Variants in RGS7 observed in about 807,000 individuals in gnomAD.
RGS7 encodes regulator of G protein signaling 7, also known as regulator of G-protein signaling 7.
Under a neutral mutation model 81.1 loss-of-function variants are expected in RGS7, and 27 were observed. The observed-to-expected ratio is 0.33, with a 90% CI of 0.25 to 0.46. RGS7 has a LOEUF of 0.46. RGS7 is among the 20% of genes least tolerant of loss of function. The pLI, the probability that RGS7 is intolerant of heterozygous loss-of-function variation, is 1.00. For missense variants in RGS7, 396 were observed against 607.4 expected (o/e 0.65, Z 3.66); for synonymous variants, 208 against 207.7 (o/e 1.00, Z -0.01).
chr1:240,774,817 A>G (rs1682756633), downstream of RGS7, among the ~76,000 whole-genome samples: 1 of 152,198 alleles, frequency 6.6e-6, no homozygotes, highest in African/African-American at 2.4e-5. Context: ...ATAGCTTTAG[A>G]TTCAAGCAAC....
intron 2 of RGS7, among the ~76,000 whole-genome samples, chr1:241,320,089 T>A (rs1470817857): frequency 6.6e-6 from 1 of 152,082 alleles, no homozygotes; most frequent in African/African-American, 2.4e-5. Context: ...AGACTCCACG[T>A]AAAGAAAAGA....
At chr1:240,954,521 A>C (rs1680039283) in intron 4 of RGS7, among the ~76,000 whole-genome samples, 1 of 150,130 alleles carries the variant, frequency 6.7e-6, no homozygotes. Flanking sequence ...TGTGACAAGA[A>C]ATCATTAGAC....
At chr1:241,188,884 G>T (rs977609324) in intron 2 of RGS7, among the ~76,000 whole-genome samples, 1 of 152,108 alleles carries the variant, frequency 6.6e-6, no homozygotes, top group Non-Finnish European at 1.5e-5. Flanking sequence ...TACTTTGAAG[G>T]CTTCGAAATT....
intron 2 of RGS7, among the ~76,000 whole-genome samples, chr1:241,108,195 C>T (rs2065256944): frequency 6.7e-6 from 1 of 148,594 alleles, no homozygotes; most frequent in African/African-American, 2.5e-5. Context: ...TCCCAGCTAT[C>T]GGGAGGCTGA....
chr1:240,853,553 G>T (rs1291227806), intron 9 of RGS7, among the ~76,000 whole-genome samples: 1 of 151,994 alleles, frequency 6.6e-6, no homozygotes, highest in African/African-American at 2.4e-5. Context: ...GCAAAAATTG[G>T]TTCAATCTGT....
At chr1:241,214,153 C>T (rs2147942919) in intron 2 of RGS7, among the ~76,000 whole-genome samples, 1 of 152,296 alleles carries the variant, frequency 6.6e-6, no homozygotes, top group Admixed American at 6.5e-5. Context: ...GGTATCATTT[C>T]CTTTCAGCCT....
chr1:241,156,364 G>C lies in RGS7; in HGVS notation c.79-57602C>G, dbSNP rs531866055. On this transcript the variant is annotated intron_variant, in intron 2 of 18. Transcript: ENST00000440928. ...ACACAAACAAACAAAAAATTAGCTG[G>C]ACATGGTAACGCACACTTGTGCTCC... 4.0e-5 allele frequency among the ~76,000 whole-genome samples: 6 copies of C among 151,820 alleles called. No individual in the cohort carries two copies. In the South Asian group the frequency reaches 1.3e-3, roughly 32 times the overall value.
intron 2 of RGS7, among the ~76,000 whole-genome samples, chr1:241,238,283 A>T (rs1346800908): frequency 3.9e-5 from 6 of 152,126 alleles, no homozygotes; most frequent in African/African-American, 1.4e-4. Flanking sequence ...AAATAAAAGG[A>T]AGTAATAGTG....
chr1:240,826,763 C>A (rs1318529034), intron 10 of RGS7, among the ~76,000 whole-genome samples: 1 of 152,098 alleles, frequency 6.6e-6, no homozygotes, highest in East Asian at 1.9e-4. Context: ...TTAAGAGGGG[C>A]CCCTGCACTC....
At chr1:241,291,884 A>G (rs1453297855) in intron 2 of RGS7, among the ~76,000 whole-genome samples, 2 of 152,146 alleles carry the variant, frequency 1.3e-5, no homozygotes, top group Non-Finnish European at 2.9e-5. Context: ...AGAATTCCCA[A>G]CATTTTAACC....
At chr1:241,145,318 C>T (rs760565408) in intron 2 of RGS7, among the ~76,000 whole-genome samples, 1 of 152,060 alleles carries the variant, frequency 6.6e-6, no homozygotes, top group Non-Finnish European at 1.5e-5. Flanking sequence ...CCTATTTGCT[C>T]CAGGCAGAGT....
intron 4 of RGS7, among the ~76,000 whole-genome samples, chr1:240,971,890 T>C (rs916994327): frequency 9.2e-5 from 14 of 152,162 alleles, no homozygotes; most frequent in African/African-American, 3.4e-4. Flanking sequence ...GTTTATAGGT[T>C]TGTAAGGGTC....
intron 2 of RGS7, among the ~76,000 whole-genome samples, chr1:241,114,770 G>A (rs2065779491): frequency 6.6e-6 from 1 of 152,118 alleles, no homozygotes; most frequent in Non-Finnish European, 1.5e-5. Flanking sequence ...TGATTATGGG[G>A]CCTGAGTCAT....
At chr1:241,064,595 C>T (rs772404863) in intron 3 of RGS7, among the ~76,000 whole-genome samples, 1 of 151,624 alleles carries the variant, frequency 6.6e-6, no homozygotes, top group Non-Finnish European at 1.5e-5. Context: ...ACAACAACAA[C>T]AAAAAATACC....
chr1:240,796,090 A>C (rs1687022605), intron 18 of RGS7, among the ~76,000 whole-genome samples: 1 of 152,132 alleles, frequency 6.6e-6, no homozygotes, highest in Non-Finnish European at 1.5e-5. Flanking sequence ...CCCGGCCTTA[A>C]ATGATTTTTT....
intron 3 of RGS7, among the ~76,000 whole-genome samples, chr1:241,017,355 T>C (rs2059310077): frequency 6.7e-6 from 1 of 150,198 alleles, no homozygotes; most frequent in Non-Finnish European, 1.5e-5. Context: ...GCAGGAGAAT[T>C]GCTTGAACTC....
At chr1:240,825,325 T>C (rs1256349877) in intron 10 of RGS7, among the ~76,000 whole-genome samples, 2 of 152,224 alleles carry the variant, frequency 1.3e-5, no homozygotes, top group African/African-American at 4.8e-5. Context: ...GTGGTGATAC[T>C]TCTAAAAAAT....
At chr1:240,854,606 C>T (rs1316931979) in intron 9 of RGS7, among the ~76,000 whole-genome samples, 3 of 152,318 alleles carry the variant, frequency 2.0e-5, no homozygotes, top group South Asian at 4.2e-4. Context: ...TGATGCCATC[C>T]ACTGGACAAT....
intron 4 of RGS7, among the ~76,000 whole-genome samples, chr1:240,941,742 G>A (rs1677612641): frequency 6.6e-6 from 1 of 151,642 alleles, no homozygotes; most frequent in African/African-American, 2.4e-5. Flanking sequence ...AGTTCCCTGT[G>A]GTCCCACTGC....
Sources: gnomAD v4.1 joint callset for allele counts (sites outside exome capture counted in the v4.1 genomes callset) on GRCh38, gnomAD v4.1.1 for gene constraint, MANE v1.5 for transcripts, NCBI Gene and HGNC (gene_info 2026-07-23, HGNC 2026-07-21) for gene names.